CTNNA3: variants seen among roughly 807,000 people sequenced by gnomAD.
CTNNA3 encodes catenin alpha-3.
Under a neutral mutation model 95.7 loss-of-function variants are expected in CTNNA3, and 76 were observed. The observed-to-expected ratio is 0.79, with a 90% CI of 0.66 to 0.96. The LOEUF (loss-of-function observed/expected upper bound fraction) is 0.96. CTNNA3 is among the 40% of genes least tolerant of loss of function. The probability of loss-of-function intolerance (pLI) is 0.00; values close to 1 mark genes in which losing one functional copy is unlikely to be tolerated. For synonymous variants in CTNNA3, 431 were observed against 374.4 expected (o/e 1.15, Z -1.74); for missense variants, 1,191 against 1,089.8 (o/e 1.09, Z -1.31).
chr10:67,725,977 T>C (rs1339796820), intron 1 of CTNNA3, among the ~76,000 whole-genome samples: 2 of 138,178 alleles, frequency 1.4e-5, no homozygotes, highest in South Asian at 2.2e-4. Flanking sequence ...ATGTAATATA[T>C]ACTATATACT....
intron 14 of CTNNA3, among the ~76,000 whole-genome samples, chr10:66,096,488 ATGT>A (rs1186526050): frequency 6.6e-6 from 1 of 151,032 alleles, no homozygotes; most frequent in African/African-American, 2.4e-5. Flanking sequence ...GAAAAATTAA[ATGT>A]TGTTTTTTTC....
chr10:66,141,438 C>T lies in CTNNA3; in HGVS notation c.1885-38189G>A, dbSNP rs560174470. Reference sequence around the variant, plus strand: ...CAAAAAAAAGCAAAGAGATGACTCCCCAGAATTTAGGATTGAATGAAGATA... The same window carrying T: ...CAAAAAAAAGCAAAGAGATGACTCCTCAGAATTTAGGATTGAATGAAGATA... On this transcript the variant is annotated intron_variant, in intron 13 of 17. Transcript: ENST00000433211. 8.2e-4 allele frequency among the ~76,000 whole-genome samples: 125 copies of T among 151,868 alleles called. 2 individuals are homozygous for T. Among genetic ancestry groups the T allele is most frequent in the African/African-American group, 2.9e-3 (120 of 41,402 alleles).
chr10:67,124,802 G>A (rs1859637649), intron 7 of CTNNA3, among the ~76,000 whole-genome samples: 1 of 152,278 alleles, frequency 6.6e-6, no homozygotes, highest in Non-Finnish European at 1.5e-5. Context: ...ATGTCACAAA[G>A]TGACATGAAC....
At chr10:66,472,344 A>G (rs1839166905) in intron 11 of CTNNA3, among the ~76,000 whole-genome samples, 1 of 151,968 alleles carries the variant, frequency 6.6e-6, no homozygotes, top group Admixed American at 6.6e-5. Flanking sequence ...ACTCTGGAAC[A>G]TTCTGTATTA....
intron 13 of CTNNA3, among the ~76,000 whole-genome samples, chr10:66,185,120 AC>A (rs1446256009): frequency 2.5e-4 from 38 of 152,158 alleles, no homozygotes; most frequent in African/African-American, 8.0e-4. Flanking sequence ...TATCTTTCCT[AC>A]TGAATCTTCT....
chr10:66,795,779 T>C lies in CTNNA3; in HGVS notation c.1048-20255A>G, dbSNP rs988646990. ...ACTTCATCAACGATCTTAGCTATTA[T>C]CTTCTGGATAACTTGCTGCACCTTC... is the stretch of plus-strand genomic sequence containing the variant. On this transcript the variant is annotated intron_variant, in intron 7 of 17. Coordinates refer to ENST00000433211, the MANE Select transcript of CTNNA3 (RefSeq NM_013266.4). Among the ~76,000 whole-genome samples, 4 of 152,218 alleles carry C rather than the reference T, an allele frequency of 2.6e-5. No individual in the cohort carries two copies. In the East Asian group the frequency reaches 7.7e-4, roughly 29 times the overall value.
Position 65,914,020 on chromosome 10 carries a change from C to T in CTNNA3, c.*6310G>A, listed in dbSNP as rs2076977306. On this transcript the variant is annotated 3_prime_UTR_variant, in exon 18 of 18. Coordinates refer to ENST00000433211, the MANE Select transcript of CTNNA3 (RefSeq NM_013266.4). ...AGGAAGTGTCACAGACCTCCAACAC[C>T]AAATAACCAGAACTAAAAATAACCA... 6.6e-6 allele frequency: 1 copy of T among 152,084 alleles called. No homozygotes were observed. 9.4% of individuals were successfully genotyped at this position (152,084 alleles called of 1,614,324 possible). A position where few individuals can be genotyped will look rare whatever the true frequency, so the allele number is the denominator to read the frequency against.
chr10:66,048,256 T>C (rs905940656), intron 15 of CTNNA3, among the ~76,000 whole-genome samples: 8 of 152,182 alleles, frequency 5.3e-5, no homozygotes, highest in African/African-American at 1.9e-4. Context: ...CAAAAATGCA[T>C]GGTACTGGTA....
chr10:66,657,021 G>GA (rs1846095459), intron 9 of CTNNA3, among the ~76,000 whole-genome samples: 5 of 152,072 alleles, frequency 3.3e-5, no homozygotes, highest in Admixed American at 3.3e-4. Flanking sequence ...AAAATTTGAA[G>GA]TTTTTCTCTG....
At chr10:66,086,596 G>A (rs1589363135) in intron 14 of CTNNA3, among the ~76,000 whole-genome samples, 1 of 151,968 alleles carries the variant, frequency 6.6e-6, no homozygotes, top group South Asian at 2.1e-4. Context: ...TAAAAAGGAA[G>A]AAAAAATTAC....
intron 5 of CTNNA3, among the ~76,000 whole-genome samples, chr10:67,236,543 G>A (rs1865468933): frequency 1.3e-5 from 2 of 151,558 alleles, no homozygotes; most frequent in Admixed American, 6.6e-5. Flanking sequence ...GATAGCATTG[G>A]GAGATATACC....
intron 7 of CTNNA3, among the ~76,000 whole-genome samples, chr10:67,086,891 T>C (rs192265177): frequency 1.7e-3 from 261 of 152,118 alleles, no homozygotes; most frequent in African/African-American, 5.8e-3. Flanking sequence ...AAACATTAAC[T>C]GATGTAGTGT....
At chr10:66,393,928 G>T (rs2092954067) in intron 11 of CTNNA3, among the ~76,000 whole-genome samples, 1 of 151,890 alleles carries the variant, frequency 6.6e-6, no homozygotes, top group African/African-American at 2.4e-5. Flanking sequence ...AAATGCTAAA[G>T]TCTCATCTGA....
At chr10:65,978,483 T>A (rs77766411) in intron 16 of CTNNA3, among the ~76,000 whole-genome samples, 1 of 71,288 alleles carries the variant, frequency 1.4e-5, no homozygotes, top group Non-Finnish European at 4.2e-5. Context: ...TCCTGAGCAA[T>A]TTTTTTTTTT....
intron 15 of CTNNA3, among the ~76,000 whole-genome samples, chr10:66,020,207 G>A (rs369672760): frequency 2.0e-5 from 3 of 152,158 alleles, no homozygotes; most frequent in Admixed American, 2.0e-4. Context: ...TGGGATAAAG[G>A]CATCCCTTGC....
At chr10:66,336,832 A>C (rs1001688628) in intron 12 of CTNNA3, among the ~76,000 whole-genome samples, 3 of 152,176 alleles carry the variant, frequency 2.0e-5, no homozygotes, top group Admixed American at 2.0e-4. Flanking sequence ...CAGGGCCTCC[A>C]GGGGGGCCTT....
intron 12 of CTNNA3, among the ~76,000 whole-genome samples, chr10:66,285,132 A>G (rs1237040958): frequency 1.3e-5 from 2 of 151,796 alleles, no homozygotes; most frequent in African/African-American, 2.4e-5. Flanking sequence ...CACACATCAC[A>G]TGGTTAACAA....
chr10:67,713,136 C>T (rs1481836192), intron 1 of CTNNA3, among the ~76,000 whole-genome samples: 1 of 152,206 alleles, frequency 6.6e-6, no homozygotes, highest in Non-Finnish European at 1.5e-5. Flanking sequence ...TATGAACAGA[C>T]ACTTCTCAAA....
chr10:66,911,798 G>T (rs1230507161), intron 7 of CTNNA3, among the ~76,000 whole-genome samples: 1 of 152,150 alleles, frequency 6.6e-6, no homozygotes, highest in African/African-American at 2.4e-5. Context: ...AACTTGCAAA[G>T]CTTGTAAGCC....
Sources: gnomAD v4.1 joint callset for allele counts (sites outside exome capture counted in the v4.1 genomes callset) on GRCh38, gnomAD v4.1.1 for gene constraint, MANE v1.5 for transcripts, NCBI Gene and HGNC (gene_info 2026-07-23, HGNC 2026-07-21) for gene names.